Variants in ASS1 observed in about 807,000 individuals in gnomAD.
The protein encoded by ASS1 is argininosuccinate synthase 1, also known as argininosuccinate synthase.
Under a neutral mutation model 60.5 loss-of-function variants are expected in ASS1, and 58 were observed. That is an observed-to-expected ratio of 0.96 (90% confidence interval 0.78 to 1.19). The LOEUF (loss-of-function observed/expected upper bound fraction) is 1.19. Ranked by LOEUF, ASS1 falls within the 50% of genes most tolerant of loss-of-function variation. The pLI is 0.00. For missense variants in ASS1, 454 were observed against 547.3 expected (o/e 0.83, Z 1.70); for synonymous variants, 200 against 206.9 (o/e 0.97, Z 0.29).
rs546408457 is a variant in ASS1, at chr9:130,470,749, T to C, written c.496-85T>C. 19 of 1,326,714 alleles carry C rather than the reference T, an allele frequency of 1.4e-5. No homozygotes were observed. The African/African-American group carries it at 2.6e-4, about 18-fold the overall frequency. 82.2% of individuals were successfully genotyped at this position (1,326,714 alleles called of 1,614,324 possible). On this transcript the variant is annotated intron_variant, in intron 6 of 14. Coordinates refer to ENST00000352480, the MANE Select transcript of ASS1 (RefSeq NM_054012.4). The surrounding 1 kb of genome is among the most constrained non-coding windows in gnomAD (Gnocchi z 4.3). ...CTGAATGGGGGCCAGAGTTTGGGGCTCTCTGAAAAAGCAGGGCCCCTGGGA... is the reference window on the plus strand; with the variant it reads ...CTGAATGGGGGCCAGAGTTTGGGGCCCTCTGAAAAAGCAGGGCCCCTGGGA...
chr9:130,483,437 G>T (rs1846218220), intron 11 of ASS1, among the ~76,000 whole-genome samples: 1 of 151,956 alleles, frequency 6.6e-6, no homozygotes. Context: ...TCAGGGACAG[G>T]GGGCTGGGGA....
At chr9:130,448,076 G>C (rs1845235333) in intron 1 of ASS1, among the ~76,000 whole-genome samples, 1 of 151,732 alleles carries the variant, frequency 6.6e-6, no homozygotes, top group South Asian at 2.1e-4. Flanking sequence ...TGCAGCTGTG[G>C]TTCCTTCTCT....
rs953412453 is a variant in ASS1, at chr9:130,488,020, G to T, written c.839-1313G>T. On this transcript the variant is annotated intron_variant, in intron 11 of 14. Transcript: ENST00000352480. The surrounding 1 kb of genome is among the most constrained non-coding windows in gnomAD (Gnocchi z 5.2). ...TCCACCTGCCTCGGCCTCCCAAAGT[G>T]CTAGAATTATTACAGTCATGAGCCA... 6.6e-6 allele frequency among the ~76,000 whole-genome samples: 1 copy of T among 152,082 alleles called. No individual in the cohort carries two copies. Among genetic ancestry groups the T allele is most frequent in the Non-Finnish European group, 1.5e-5 (1 of 67,998 alleles).
In ASS1 at chr9:130,471,484, G is replaced by A; in HGVS notation, c.567-1G>A. On this transcript the variant is annotated splice_acceptor_variant, in intron 7 of 14. Transcript: ENST00000352480. LOFTEE classifies it high-confidence loss of function. Reference sequence around the variant, plus strand: ...CCCTGTCTTTCCTTTCCCCTCCGCAGCTACGAGGCTGGAATCCTGGAGAAC... The same window carrying A: ...CCCTGTCTTTCCTTTCCCCTCCGCAACTACGAGGCTGGAATCCTGGAGAAC... The A allele has an allele frequency of 6.2e-7, 1 of 1,614,140 alleles. No individual in the cohort carries two copies. Among genetic ancestry groups the A allele is most frequent in the African/African-American group, 1.3e-5 (1 of 75,040 alleles).
At chr9:130,467,553 G>A (rs1845773286) in intron 6 of ASS1, among the ~76,000 whole-genome samples, 1 of 152,166 alleles carries the variant, frequency 6.6e-6, no homozygotes, top group Middle Eastern at 3.2e-3. Flanking sequence ...AGGGGAGGCG[G>A]CAGGGACGCA....
intron 8 of ASS1, among the ~76,000 whole-genome samples, chr9:130,474,074 C>CCCCCCCA (rs1554722814): frequency 5.0e-5 from 5 of 100,056 alleles, no homozygotes; most frequent in Non-Finnish European, 8.8e-5. Context: ...CCCCCCCCCC[C>CCCCCCCA]CACAGATGAC....
chr9:130,499,162 G>A (rs1846674833), intron 13 of ASS1, among the ~76,000 whole-genome samples: 2 of 152,188 alleles, frequency 1.3e-5, no homozygotes, highest in South Asian at 2.1e-4. Context: ...CAGCTGGCTT[G>A]GACGAGTTAC....
intron 6 of ASS1, among the ~76,000 whole-genome samples, chr9:130,468,641 A>G (rs894015641): frequency 6.6e-6 from 1 of 152,184 alleles, no homozygotes; most frequent in African/African-American, 2.4e-5. Context: ...CATGTTGCCC[A>G]GGCTGGTCTT....
At chr9:130,456,973 G>A (rs965343875) in intron 3 of ASS1, among the ~76,000 whole-genome samples, 3 of 151,948 alleles carry the variant, frequency 2.0e-5, no homozygotes, top group African/African-American at 7.3e-5. Context: ...GATTACATCT[G>A]TTGATATTTA....
intron 8 of ASS1, among the ~76,000 whole-genome samples, chr9:130,472,379 G>T (rs1845888521): frequency 6.6e-6 from 1 of 152,164 alleles, no homozygotes; most frequent in Non-Finnish European, 1.5e-5. Context: ...ACGCCCGCGT[G>T]CCGCCCCCTG....
intron 4 of ASS1, among the ~76,000 whole-genome samples, chr9:130,458,831 C>T (rs576718394): frequency 1.2e-4 from 18 of 152,258 alleles, no homozygotes; most frequent in Non-Finnish European, 2.1e-4. Flanking sequence ...GGAGCGATGT[C>T]ACCCCATTTG....
Position 130,480,442 on chromosome 9 carries a change from GT to G in ASS1, c.832del (p.Ser278ProfsTer18), listed in dbSNP as rs1846142146. 6.2e-7 allele frequency: 1 copy of G among 1,614,112 alleles called. No individual in the cohort carries two copies. The highest frequency in any genetic ancestry group is 8.5e-7 in the Non-Finnish European group (1 of 1,180,024). On this transcript the variant is annotated frameshift_variant, in exon 11 of 15. Transcript: ENST00000352480. LOFTEE classifies it high-confidence loss of function. Reference protein sequence around the residue: ...IVENRFIGMKSRGIYETPAGT... With the variant: ...IVENRFIGMKXRGIYETPAGT... Reference sequence around the variant, plus strand: ...TGGAGAACCGCTTCATTGGAATGAAGTCCCGAGGTGAGTCTGCTCAGCCTCC... The same window carrying G: ...TGGAGAACCGCTTCATTGGAATGAAGCCCGAGGTGAGTCTGCTCAGCCTCC...
Position 130,491,762 on chromosome 9 carries a change from TAAA to T in ASS1, c.970+2300_970+2302del, listed in dbSNP as rs1444913941. Among the ~76,000 whole-genome samples the T allele has an allele frequency of 6.6e-6, 1 of 152,088 alleles. No individual in the cohort carries two copies. The highest frequency in any genetic ancestry group is 1.5e-5 in the Non-Finnish European group (1 of 68,002). On this transcript the variant is annotated intron_variant, in intron 12 of 14. Coordinates refer to ENST00000352480, the MANE Select transcript of ASS1 (RefSeq NM_054012.4). This position sits in a 1 kb window ranked among gnomAD's most constrained non-coding sequence, Gnocchi z 5.3. ...ACTGAGGTACAATGATTAGGAGACTTAAAAGGAAACAAAATCTCAGAGTGGAGG... is the reference window on the plus strand; with the variant it reads ...ACTGAGGTACAATGATTAGGAGACTTAGGAAACAAAATCTCAGAGTGGAGG...
Position 130,494,995 on chromosome 9 carries a change from C to T in ASS1, c.1099C>T (p.Leu367=), listed in dbSNP as rs1363414004. ...GTACATCCTCGGCCGGGAGTCCCCACTGTCTCTCTACAATGAGGAGCTGGT... is the reference window on the plus strand; with the variant it reads ...GTACATCCTCGGCCGGGAGTCCCCATTGTCTCTCTACAATGAGGAGCTGGT... ...QVYILGRESP[L]SLYNEELVSM... Residue 367 remains leucine, a synonymous_variant, in exon 13 of 15, where the codon CTG becomes TTG. Coordinates refer to ENST00000352480, the MANE Select transcript of ASS1 (RefSeq NM_054012.4). The surrounding 1 kb of genome is among the most constrained non-coding windows in gnomAD (Gnocchi z 4.3). The T allele has an allele frequency of 6.2e-7, 1 of 1,613,040 alleles. No homozygotes were observed. The highest frequency in any genetic ancestry group is 8.5e-7 in the Non-Finnish European group (1 of 1,179,892).
rs200076976 is a variant in ASS1, at chr9:130,477,001, T to C, written c.688+40T>C. 7.6e-5 allele frequency: 121 copies of C among 1,588,140 alleles called. 2 individuals carry two copies. The East Asian group carries it at 2.7e-3, about 35-fold the overall frequency. ...GTTGGGACTCGAAGGGGGTTGACTT[T>C]TGGGGCCCTGGCTCCTTTCCCCTCC... On this transcript the variant is annotated intron_variant, in intron 9 of 14. Coordinates refer to ENST00000352480, the MANE Select transcript of ASS1 (RefSeq NM_054012.4). The surrounding 1 kb of genome is among the most constrained non-coding windows in gnomAD (Gnocchi z 4.2).
At chr9:130,471,363 A>T in intron 7 of ASS1, 122 bp from the exon 8 acceptor site, 3 of 1,262,266 alleles carry the variant, frequency 2.4e-6, no homozygotes, top group Non-Finnish European at 3.5e-6. Context: ...TTGGCAGCAG[A>T]TGCTCTGGCA....
chr9:130,480,231 G>A (rs934834852), intron 10 of ASS1, among the ~76,000 whole-genome samples, 154 bp from the exon 11 acceptor site: 2 of 152,236 alleles, frequency 1.3e-5, no homozygotes, highest in African/African-American at 4.8e-5. Context: ...ACCTGGACTA[G>A]GTGACCCGGC....
intron 6 of ASS1, among the ~76,000 whole-genome samples, chr9:130,469,940 C>T (rs1234818189): frequency 6.6e-6 from 1 of 152,124 alleles, no homozygotes; most frequent in Admixed American, 6.5e-5. Context: ...CATCCAGTCT[C>T]GCTGGCTCTG....
At position 130,494,983 on chromosome 9, in the gene ASS1, C is replaced by T. The variant is rs121908640; in HGVS notation, c.1087C>T (p.Arg363Trp). 55 of 1,613,130 alleles carry T rather than the reference C, an allele frequency of 3.4e-5. No homozygotes were observed. Among genetic ancestry groups the T allele is most frequent in the Non-Finnish European group, 4.4e-5 (52 of 1,179,918 alleles). Reference protein sequence around the residue: ...VLKGQVYILGRESPLSLYNEE... With the variant: ...VLKGQVYILGWESPLSLYNEE... Reference sequence around the variant, plus strand: ...CAAGGGCCAGGTGTACATCCTCGGCCGGGAGTCCCCACTGTCTCTCTACAA... The same window carrying T: ...CAAGGGCCAGGTGTACATCCTCGGCTGGGAGTCCCCACTGTCTCTCTACAA... The change falls in exon 13 of 15, where the codon CGG becomes TGG. Residue 363 changes from arginine (R) to tryptophan (W), a missense_variant. Arg to Trp is a moderately radical substitution (Grantham distance 101). Coordinates refer to ENST00000352480, the MANE Select transcript of ASS1 (RefSeq NM_054012.4). This position sits in a 1 kb window ranked among gnomAD's most constrained non-coding sequence, Gnocchi z 4.3.
Sources: allele counts gnomAD v4.1 joint callset (sites outside exome capture counted in the v4.1 genomes callset), GRCh38; gene constraint gnomAD v4.1.1; non-coding constraint Gnocchi (gnomAD v3.1); transcripts MANE v1.5; gene names NCBI Gene and HGNC (gene_info 2026-07-23, HGNC 2026-07-21).